The following SGMS1 variants were observed in gnomAD, a reference collection of about 807,000 sequenced individuals.
SGMS1 encodes the protein phosphatidylcholine:ceramide cholinephosphotransferase 1.
Under a neutral mutation model 46.2 loss-of-function variants are expected in SGMS1, and 13 were observed. The observed-to-expected ratio is 0.28, with a 90% CI of 0.18 to 0.45. SGMS1 has a LOEUF of 0.45. Among genes scored for constraint, SGMS1 ranks in the 20% least tolerant of loss-of-function variants. The pLI is 1.00. For synonymous variants in SGMS1, 203 were observed against 187.8 expected (o/e 1.08, Z -0.66); for missense variants, 324 against 519.9 (o/e 0.62, Z 3.66).
chr10:50,622,722 C>G (rs1333649865), intron 1 of SGMS1, among the ~76,000 whole-genome samples: 1 of 152,200 alleles, frequency 6.6e-6, no homozygotes, highest in Non-Finnish European at 1.5e-5. Context: ...TCGCTCCCTC[C>G]GGCCATGACA....
intron 3 of SGMS1, among the ~76,000 whole-genome samples, chr10:50,513,958 G>C (rs565051748): frequency 4.7e-4 from 71 of 152,242 alleles, no homozygotes; most frequent in African/African-American, 1.6e-3. Flanking sequence ...AATCAAAGCT[G>C]AGTCTTAAAT....
intron 2 of SGMS1, among the ~76,000 whole-genome samples, chr10:50,523,254 A>G (rs1456436626): frequency 2.1e-4 from 32 of 152,226 alleles, no homozygotes; most frequent in Admixed American, 2.1e-3. Flanking sequence ...ATGATGATTG[A>G]GGAAGACAGG....
rs934039292 is a variant in SGMS1, at chr10:50,410,097, T to C, written c.-232+23379A>G. Among the ~76,000 whole-genome samples the C allele has an allele frequency of 3.9e-5, 6 of 152,354 alleles. No individual in the cohort carries two copies. The East Asian group carries it at 5.8e-4, about 15-fold the overall frequency. On this transcript the variant is annotated intron_variant, in intron 6 of 10. Coordinates refer to ENST00000361781, the MANE Select transcript of SGMS1 (RefSeq NM_147156.4). ...TTAGTTTACCTTGTAATTTTAACAA[T>C]GTACTCTAGTTTCTTTTACTCGTTT...
At chr10:50,536,884 A>G (rs1490733004) in intron 2 of SGMS1, among the ~76,000 whole-genome samples, 1 of 152,238 alleles carries the variant, frequency 6.6e-6, no homozygotes, top group Non-Finnish European at 1.5e-5. Flanking sequence ...CCCCTTTTGG[A>G]CATCATCTGG....
At chr10:50,485,187 C>A (rs1837509599) in intron 3 of SGMS1, among the ~76,000 whole-genome samples, 1 of 152,208 alleles carries the variant, frequency 6.6e-6, no homozygotes, top group Non-Finnish European at 1.5e-5. Context: ...TGATAAGCAA[C>A]TTCAGCAAAA....
chr10:50,514,152 G>A (rs151251643), intron 3 of SGMS1, among the ~76,000 whole-genome samples: 2 of 152,248 alleles, frequency 1.3e-5, no homozygotes, highest in African/African-American at 4.8e-5. Flanking sequence ...ATGTCGTTGT[G>A]TTTTGTCATA....
intron 8 of SGMS1, among the ~76,000 whole-genome samples, chr10:50,322,040 T>G (rs1485365092): frequency 6.6e-6 from 1 of 152,226 alleles, no homozygotes; most frequent in Non-Finnish European, 1.5e-5. Flanking sequence ...ATTGATCCAC[T>G]GAGCGATCAA....
chr10:50,525,748 G>A (rs1837895390), intron 2 of SGMS1, among the ~76,000 whole-genome samples: 2 of 152,222 alleles, frequency 1.3e-5, no homozygotes, highest in African/African-American at 4.8e-5. Context: ...TCTGCTATGA[G>A]CAATGGATAG....
intron 2 of SGMS1, among the ~76,000 whole-genome samples, chr10:50,582,921 G>A (rs78496683): frequency 0.029 from 4,343 of 152,298 alleles, 206 homozygotes; most frequent in African/African-American, 0.099. Context: ...TACAGGTCAT[G>A]TGAGTCTGAA....
At chr10:50,572,916 C>A (rs1838348370) in intron 2 of SGMS1, among the ~76,000 whole-genome samples, 1 of 152,214 alleles carries the variant, frequency 6.6e-6, no homozygotes, top group Non-Finnish European at 1.5e-5. Flanking sequence ...CCTCTCAGAA[C>A]TTTCTGTCCC....
intron 5 of SGMS1, among the ~76,000 whole-genome samples, chr10:50,455,638 G>C (rs1453204127): frequency 6.6e-6 from 1 of 152,176 alleles, no homozygotes; most frequent in Non-Finnish European, 1.5e-5. Context: ...ATTCGGAGTA[G>C]CTGGTTCTGT....
intron 1 of SGMS1, among the ~76,000 whole-genome samples, chr10:50,622,113 T>C (rs897852951): frequency 1.3e-5 from 2 of 152,210 alleles, no homozygotes; most frequent in African/African-American, 4.8e-5. Flanking sequence ...CTTGCTTCTT[T>C]GCTTGGCCAC....
intron 3 of SGMS1, among the ~76,000 whole-genome samples, chr10:50,499,683 A>T (rs1291988160): frequency 4.6e-5 from 7 of 152,200 alleles, no homozygotes; most frequent in Admixed American, 4.6e-4. Flanking sequence ...TTTCAGTTTG[A>T]AAAAGTGGTA....
At chr10:50,513,851 C>T (rs559141946) in intron 3 of SGMS1, among the ~76,000 whole-genome samples, 1 of 152,158 alleles carries the variant, frequency 6.6e-6, no homozygotes. Flanking sequence ...TCTTCAACAA[C>T]AGGACACTGC....
chr10:50,470,901 G>T (rs182080073), intron 3 of SGMS1, among the ~76,000 whole-genome samples: 1 of 152,212 alleles, frequency 6.6e-6, no homozygotes, highest in Admixed American at 6.5e-5. Flanking sequence ...CCTGTAAAAC[G>T]CATTTGCATA....
At chr10:50,396,293 C>G (rs1416632681) in intron 6 of SGMS1, among the ~76,000 whole-genome samples, 1 of 152,164 alleles carries the variant, frequency 6.6e-6, no homozygotes, top group Non-Finnish European at 1.5e-5. Flanking sequence ...CCCCCATTAT[C>G]TTAAGTCCAG....
chr10:50,352,287 T>C (rs767417841), intron 6 of SGMS1, among the ~76,000 whole-genome samples: 55 of 152,036 alleles, frequency 3.6e-4, no homozygotes, highest in Non-Finnish European at 6.8e-4. Flanking sequence ...CTTCCCTGAA[T>C]TCACACACTG....
intron 6 of SGMS1, among the ~76,000 whole-genome samples, chr10:50,390,237 A>G (rs1388758546): frequency 6.6e-6 from 1 of 152,246 alleles, no homozygotes; most frequent in Non-Finnish European, 1.5e-5. Flanking sequence ...GTTTTAGGAA[A>G]TACACCTGCA....
chr10:50,491,364 T>C, intron 3 of SGMS1, among the ~76,000 whole-genome samples: 1 of 152,052 alleles, frequency 6.6e-6, no homozygotes, highest in South Asian at 2.1e-4. Context: ...TAAAAATAAA[T>C]AAATAAGAAT....
Sources: allele counts gnomAD v4.1 joint callset (sites outside exome capture counted in the v4.1 genomes callset), GRCh38; gene constraint gnomAD v4.1.1; transcripts MANE v1.5; gene names NCBI Gene and HGNC (gene_info 2026-07-23, HGNC 2026-07-21).